The following TMIE variants were observed in gnomAD, a reference collection of about 807,000 sequenced individuals.
TMIE encodes the protein transmembrane inner ear expressed protein.
Under a neutral mutation model 16.8 loss-of-function variants are expected in TMIE, and 14 were observed. That is an observed-to-expected ratio of 0.83 (90% CI 0.55 to 1.30). The LOEUF (loss-of-function observed/expected upper bound fraction) is 1.30. Among genes scored for constraint, TMIE ranks in the 50% most tolerant of loss-of-function variants. The probability of loss-of-function intolerance (pLI) is 0.00; values close to 1 mark genes in which losing one functional copy is unlikely to be tolerated. For synonymous variants in TMIE, 75 were observed against 87.2 expected, an observed-to-expected ratio of 0.86 and a Z score of 0.78; for missense variants, 204 against 205.9, an observed-to-expected ratio of 0.99 and a Z score of 0.06.
intron 2 of TMIE, 56 bp from the exon 3 acceptor site, chr3:46,709,070 A>C: frequency 6.2e-7 from 1 of 1,608,876 alleles, no homozygotes; most frequent in South Asian, 1.1e-5. Flanking sequence ...GGCGGATGCC[A>C]TTCCTTGGGT....
upstream of TMIE, among the ~76,000 whole-genome samples, chr3:46,699,256 G>T (rs1215697387): frequency 1.3e-5 from 2 of 151,928 alleles, no homozygotes; most frequent in Non-Finnish European, 2.9e-5. Context: ...ATTTTTAGTA[G>T]AGATGGGGTT....
At chr3:46,707,826 G>T (rs1700571296) in intron 2 of TMIE, among the ~76,000 whole-genome samples, 1 of 152,304 alleles carries the variant, frequency 6.6e-6, no homozygotes, top group Middle Eastern at 3.4e-3. Flanking sequence ...AGCCTGAGTG[G>T]GCATAGTCCC....
chr3:46,706,879 C>T (rs991820815), intron 2 of TMIE, among the ~76,000 whole-genome samples: 2 of 152,166 alleles, frequency 1.3e-5, no homozygotes, highest in South Asian at 4.1e-4. Context: ...TCGTCCCAGC[C>T]GGAGCTGTCC....
upstream of TMIE, among the ~76,000 whole-genome samples, chr3:46,694,191 G>A (rs1700341084): frequency 6.6e-6 from 1 of 152,190 alleles, no homozygotes; most frequent in African/African-American, 2.4e-5. Context: ...GCGGCCCCCT[G>A]GGCTGGGTGT....
At chr3:46,708,875 T>A (rs1700585156) in intron 2 of TMIE, among the ~76,000 whole-genome samples, 1 of 152,172 alleles carries the variant, frequency 6.6e-6, no homozygotes, top group Non-Finnish European at 1.5e-5. Context: ...CCAGGACTGG[T>A]GACATAATTT....
upstream of TMIE, among the ~76,000 whole-genome samples, chr3:46,699,399 T>G (rs1308413296): frequency 1.3e-5 from 2 of 152,200 alleles, no homozygotes; most frequent in Non-Finnish European, 2.9e-5. Flanking sequence ...ATTTGTAGCT[T>G]TATACTTCTG....
upstream of TMIE, among the ~76,000 whole-genome samples, chr3:46,699,697 G>A (rs959331143): frequency 6.6e-6 from 1 of 152,208 alleles, no homozygotes; most frequent in African/African-American, 2.4e-5. Context: ...TTTTCTTTCA[G>A]ATTTCTTCAC....
rs879288205 is a variant in TMIE at position 46,705,650 on chromosome 3, G to A, written c.94-140G>A. 4.1e-6 allele frequency: 3 copies of A among 735,176 alleles called. No homozygotes were observed. The African/African-American group carries it at 5.2e-5, about 13-fold the overall frequency. 45.5% of individuals were successfully genotyped at this position (735,176 alleles called of 1,614,324 possible). A position where few individuals can be genotyped will look rare whatever the true frequency, so the allele number is the denominator to read the frequency against. On this transcript the variant is annotated intron_variant, in intron 1 of 3. Coordinates refer to ENST00000643606, the MANE Select transcript of TMIE (RefSeq NM_147196.3). ...GGAACTTTCCAAGGTCTAGGGTGTTGGTAGTGCATGCTTAAGAGAGTTGAT... is the reference window on the plus strand; with the variant it reads ...GGAACTTTCCAAGGTCTAGGGTGTTAGTAGTGCATGCTTAAGAGAGTTGAT...
Position 46,709,237 on chromosome 3 carries a change from C to T in TMIE, c.323C>T (p.Thr108Ile). ...AAKMYTDKLE[T>I]VPPLNELTEV... ...AAGATGTACACAGACAAGCTGGAGA[C>T]TGTGCCACCCCTCAATGAGCTCACA... Residue 108 changes from threonine to isoleucine, a missense_variant, in exon 3 of 4, where the codon ACT (threonine) becomes ATT (isoleucine). Thr to Ile is a moderately conservative substitution (Grantham distance 89). Coordinates refer to ENST00000643606, the MANE Select transcript of TMIE (RefSeq NM_147196.3). 3 of 1,614,130 alleles carry T rather than the reference C, an allele frequency of 1.9e-6. No individual in the cohort carries two copies. Among genetic ancestry groups the T allele is most frequent in the Non-Finnish European group, 2.5e-6 (3 of 1,180,026 alleles).
chr3:46,705,534 C>T (rs2106782014), intron 1 of TMIE, among the ~76,000 whole-genome samples: 1 of 152,360 alleles, frequency 6.6e-6, no homozygotes, highest in South Asian at 2.1e-4. Context: ...AAGCCATCCA[C>T]ATTTGCTCCT....
intron 1 of TMIE, 41 bp from the exon 2 acceptor site, chr3:46,705,749 T>G (rs750976116): frequency 1.3e-6 from 2 of 1,583,264 alleles, no homozygotes; most frequent in Non-Finnish European, 8.7e-7. Context: ...TCCAGCCAGC[T>G]GGCCTCTGCC....
At chr3:46,707,487 A>G (rs1241906093) in intron 2 of TMIE, among the ~76,000 whole-genome samples, 1 of 152,106 alleles carries the variant, frequency 6.6e-6, no homozygotes, top group Non-Finnish European at 1.5e-5. Context: ...CTGGGGGGAA[A>G]CATTTTTCCT....
chr3:46,698,427 C>A (rs1190362114), upstream of TMIE, among the ~76,000 whole-genome samples: 2 of 151,740 alleles, frequency 1.3e-5, no homozygotes, highest in Non-Finnish European at 2.9e-5. Context: ...TTAATGAAGG[C>A]TTGTGATATG....
At chr3:46,694,130 G>C (rs930690661), upstream of TMIE, among the ~76,000 whole-genome samples, 1 of 152,194 alleles carries the variant, frequency 6.6e-6, no homozygotes, top group Non-Finnish European at 1.5e-5. Flanking sequence ...GCGGAGCGCT[G>C]TGTGGGTTCG....
chr3:46,706,440 C>T (rs999651496), intron 2 of TMIE, among the ~76,000 whole-genome samples: 1 of 152,200 alleles, frequency 6.6e-6, no homozygotes, highest in African/African-American at 2.4e-5. Flanking sequence ...GATGCAAAGT[C>T]GCAGCAGAAA....
At chr3:46,698,093 G>A (rs942270738), upstream of TMIE, among the ~76,000 whole-genome samples, 7 of 151,856 alleles carry the variant, frequency 4.6e-5, no homozygotes, top group Non-Finnish European at 7.4e-5. Flanking sequence ...TCTTGCTTTC[G>A]CCCAGGCTGG....
Position 46,705,702 on chromosome 3 carries a change from T to A in TMIE, c.94-88T>A. ...CTAGGAGATTCTGATATGCTTGGGC[T>A]GAGTGTTTGCTGAGACCTGGGCCCT... On this transcript the variant is annotated intron_variant, in intron 1 of 3. Coordinates refer to ENST00000643606, the MANE Select transcript of TMIE (RefSeq NM_147196.3). The A allele has an allele frequency of 3.7e-6, 4 of 1,081,688 alleles. No homozygotes were observed. The South Asian group carries it at 3.8e-5, about 10-fold the overall frequency. The allele number at this position is 1,081,688 out of a possible 1,614,324, so 67.0% of individuals were successfully genotyped here.
intron 2 of TMIE, among the ~76,000 whole-genome samples, 182 bp downstream of exon 2, chr3:46,706,089 C>T (rs1028045200): frequency 2.6e-5 from 4 of 152,238 alleles, no homozygotes; most frequent in African/African-American, 4.8e-5. Flanking sequence ...GCTGACAGGC[C>T]GGTGGTGACC....
chr3:46,700,624 A>G (rs1426844905), upstream of TMIE, among the ~76,000 whole-genome samples: 1 of 152,126 alleles, frequency 6.6e-6, no homozygotes, highest in Non-Finnish European at 1.5e-5. Flanking sequence ...GCCCCCACCC[A>G]GGTCTCTACA....
Sources: gnomAD v4.1 joint callset for allele counts (sites outside exome capture counted in the v4.1 genomes callset) on GRCh38, gnomAD v4.1.1 for gene constraint, MANE v1.5 for transcripts, NCBI Gene and HGNC (gene_info 2026-07-23, HGNC 2026-07-21) for gene names.